SSBP2: variants seen among roughly 807,000 people sequenced by gnomAD.
SSBP2 encodes the protein single-stranded DNA-binding protein 2.
In SSBP2, 17 loss-of-function variants were observed where a neutral mutation model predicts 61.8. The observed-to-expected ratio is 0.28, with a 90% CI of 0.19 to 0.41. SSBP2 has a LOEUF of 0.41. SSBP2 is among the 10% of genes least tolerant of loss of function. The pLI, the probability that SSBP2 is intolerant of heterozygous loss-of-function variation, is 1.00. For synonymous variants in SSBP2, 139 were observed against 141.3 expected (o/e 0.98, Z 0.12); for missense variants, 310 against 458.7 (o/e 0.68, Z 2.96).
Position 81,441,929 on chromosome 5 carries a change from C to A in SSBP2, c.849+724G>T, listed in dbSNP as rs76106456. Among the ~76,000 whole-genome samples the A allele has an allele frequency of 4.7e-3, 723 of 152,214 alleles. 2 individuals are homozygous for A. Among genetic ancestry groups the A allele is most frequent in the African/African-American group, 0.016 (672 of 41,532 alleles). The stretch of plus-strand genomic sequence containing the variant: ...GCTGGTAGGCCTAGTAGCCTGTGAA[C>A]TTTTATCTGGCTCCTACAGTGTTTT... On this transcript the variant is annotated intron_variant, in intron 13 of 16. Transcript: ENST00000320672.
intron 4 of SSBP2, among the ~76,000 whole-genome samples, chr5:81,527,437 T>G (rs2154100851): frequency 6.6e-6 from 1 of 151,980 alleles, no homozygotes; most frequent in East Asian, 1.9e-4. Context: ...CATGGATGGC[T>G]TCTGGATTTC....
At chr5:81,591,963 A>C (rs1775542971) in intron 4 of SSBP2, among the ~76,000 whole-genome samples, 1 of 152,220 alleles carries the variant, frequency 6.6e-6, no homozygotes, top group Non-Finnish European at 1.5e-5. Flanking sequence ...GGTTCATCTC[A>C]CTGGGGAGTG....
intron 10 of SSBP2, among the ~76,000 whole-genome samples, chr5:81,452,602 T>C (rs1763849516): frequency 6.6e-6 from 1 of 152,192 alleles, no homozygotes; most frequent in African/African-American, 2.4e-5. Flanking sequence ...TTGGCAGAGC[T>C]TGGTGACAAA....
intron 4 of SSBP2, among the ~76,000 whole-genome samples, chr5:81,583,693 G>A (rs1477065383): frequency 6.7e-6 from 1 of 149,400 alleles, no homozygotes; most frequent in East Asian, 2.0e-4. Flanking sequence ...TCTTTCCATT[G>A]TTGACCCACT....
chr5:81,460,941 TAAAA>T, intron 10 of SSBP2, 110 bp downstream of exon 10: 1 of 512,634 alleles, frequency 2.0e-6, no homozygotes, highest in South Asian at 6.1e-5. Context: ...AATGATTACT[TAAAA>T]AAGGGTTACT....
intron 4 of SSBP2, among the ~76,000 whole-genome samples, chr5:81,600,429 T>A (rs771569063): frequency 6.6e-6 from 1 of 151,458 alleles, no homozygotes; most frequent in Non-Finnish European, 1.5e-5. Context: ...GGCGTGGTGG[T>A]GCATGCCTGT....
intron 1 of SSBP2, among the ~76,000 whole-genome samples, chr5:81,695,885 G>T (rs182669734): frequency 1.1e-3 from 160 of 152,090 alleles, no homozygotes; most frequent in African/African-American, 3.3e-3. Flanking sequence ...ATCTTGAAAA[G>T]ATTTCAAAGA....
At chr5:81,593,623 T>A (rs1440814309) in intron 4 of SSBP2, among the ~76,000 whole-genome samples, 2 of 152,178 alleles carry the variant, frequency 1.3e-5, no homozygotes, top group Non-Finnish European at 2.9e-5. Flanking sequence ...GGGAAGCCCA[T>A]CAGACTAATA....
chr5:81,702,608 A>G (rs1194799201), intron 1 of SSBP2, among the ~76,000 whole-genome samples: 1 of 152,164 alleles, frequency 6.6e-6, no homozygotes, highest in African/African-American at 2.4e-5. Flanking sequence ...GAACTTCTCA[A>G]TTTTACACTT....
At chr5:81,569,944 A>G (rs1374774154) in intron 4 of SSBP2, among the ~76,000 whole-genome samples, 1 of 152,182 alleles carries the variant, frequency 6.6e-6, no homozygotes, top group Non-Finnish European at 1.5e-5. Context: ...ATTAATTTCA[A>G]CTGTATCACC....
chr5:81,687,598 T>C (rs1390845913), intron 1 of SSBP2, among the ~76,000 whole-genome samples: 1 of 152,114 alleles, frequency 6.6e-6, no homozygotes, highest in Admixed American at 6.5e-5. Context: ...ACTCCTTCCT[T>C]CCACTTGAGG....
At chr5:81,731,929 T>G (rs542776710) in intron 1 of SSBP2, among the ~76,000 whole-genome samples, 1 of 152,064 alleles carries the variant, frequency 6.6e-6, no homozygotes, top group Admixed American at 6.5e-5. Context: ...AACAAAAACT[T>G]CTGCTGCTTC....
chr5:81,638,229 T>C (rs1218179280), intron 2 of SSBP2, among the ~76,000 whole-genome samples: 1 of 150,856 alleles, frequency 6.6e-6, no homozygotes, highest in Non-Finnish European at 1.5e-5. Context: ...ATTGTGCACA[T>C]GTACCCTAAA....
intron 3 of SSBP2, among the ~76,000 whole-genome samples, chr5:81,627,244 C>T (rs1235946045): frequency 1.3e-5 from 2 of 151,972 alleles, no homozygotes; most frequent in Admixed American, 6.6e-5. Context: ...CATGCCTTTC[C>T]TCTTCTCCCA....
At chr5:81,579,095 G>A (rs1315929892) in intron 4 of SSBP2, among the ~76,000 whole-genome samples, 1 of 152,024 alleles carries the variant, frequency 6.6e-6, no homozygotes, top group Non-Finnish European at 1.5e-5. Flanking sequence ...GTAGCAAGAG[G>A]CAAAAGATAG....
chr5:81,586,105 T>C (rs996215416), intron 4 of SSBP2, among the ~76,000 whole-genome samples: 3 of 152,232 alleles, frequency 2.0e-5, no homozygotes, highest in Admixed American at 1.3e-4. Context: ...GCAATGAACA[T>C]GGGAATGCAA....
chr5:81,653,111 C>T (rs148123546), intron 1 of SSBP2, among the ~76,000 whole-genome samples: 3,572 of 152,136 alleles, frequency 0.023, 149 homozygotes, highest in African/African-American at 0.081. Context: ...CCTCACCCAC[C>T]GACAGGCCCC....
At chr5:81,578,038 A>C (rs1446888985) in intron 4 of SSBP2, among the ~76,000 whole-genome samples, 1 of 152,016 alleles carries the variant, frequency 6.6e-6, no homozygotes, top group African/African-American at 2.4e-5. Context: ...TGACTTGCCC[A>C]AGATCAGGAG....
At chr5:81,625,547 CACAG>C (rs1293525118) in intron 3 of SSBP2, among the ~76,000 whole-genome samples, 1 of 152,096 alleles carries the variant, frequency 6.6e-6, no homozygotes, top group African/African-American at 2.4e-5. Context: ...CAAATGAAGA[CACAG>C]ACTGAATACA....
Sources: gnomAD v4.1 joint callset for allele counts (sites outside exome capture counted in the v4.1 genomes callset) on GRCh38, gnomAD v4.1.1 for gene constraint, MANE v1.5 for transcripts, NCBI Gene and HGNC (gene_info 2026-07-23, HGNC 2026-07-21) for gene names.